Variants in TTLL9 observed in about 807,000 individuals in gnomAD.
TTLL9 encodes the protein probable tubulin polyglutamylase TTLL9.
Under a neutral mutation model 65.6 loss-of-function variants are expected in TTLL9, and 47 were observed. That is an observed-to-expected ratio of 0.72 (90% CI 0.57 to 0.91). The LOEUF (loss-of-function observed/expected upper bound fraction) is 0.91, where lower values mean the gene tolerates loss of function less well. Ranked by LOEUF, TTLL9 falls within the 40% of genes least tolerant of loss-of-function variation. TTLL9 has a pLI of 0.00. For missense variants in TTLL9, 537 were observed against 568.8 expected (o/e 0.94, Z 0.57); for synonymous variants, 179 against 204.8 (o/e 0.87, Z 1.07).
Position 31,920,815 on chromosome 20 carries a change from C to A in TTLL9, c.573+883C>A, listed in dbSNP as rs538101663. 4 of 152,760 alleles carry A rather than the reference C, an allele frequency of 2.6e-5. No individual in the cohort carries two copies. The East Asian group carries it at 7.7e-4, about 30-fold the overall frequency. The allele number at this position is 152,760 out of a possible 1,614,324, so 9.5% of individuals were successfully genotyped here. A position where few individuals can be genotyped will look rare whatever the true frequency, so the allele number is the denominator to read the frequency against. Reference sequence around the variant, plus strand: ...GAGTGGGGAACAATGGTGGGTGAAGCAGGTCTACCCTGAGAGCTAGTGCTG... The same window carrying A: ...GAGTGGGGAACAATGGTGGGTGAAGAAGGTCTACCCTGAGAGCTAGTGCTG... On this transcript the variant is annotated intron_variant, in intron 7 of 14. Transcript: ENST00000535842.
intron 9 of TTLL9, 121 bp downstream of exon 9, chr20:31,925,170 G>A: frequency 1.9e-6 from 2 of 1,058,526 alleles, no homozygotes; most frequent in South Asian, 2.8e-5. Context: ...TCTCTCCCTG[G>A]GAGATCCCCG....
At chr20:31,900,282 A>T (rs1423594413) in intron 4 of TTLL9, among the ~76,000 whole-genome samples, 1 of 152,176 alleles carries the variant, frequency 6.6e-6, no homozygotes, top group African/African-American at 2.4e-5. Flanking sequence ...CAAATCTTTC[A>T]GGTAGGTGTT....
intron 6 of TTLL9, among the ~76,000 whole-genome samples, chr20:31,918,664 G>A (rs1411585700): frequency 1.3e-5 from 2 of 152,322 alleles, no homozygotes; most frequent in Non-Finnish European, 1.5e-5. Flanking sequence ...GATTACAGAT[G>A]TGAGTCACTG....
intron 4 of TTLL9, among the ~76,000 whole-genome samples, chr20:31,901,840 G>A (rs1391943702): frequency 1.3e-5 from 2 of 152,034 alleles, no homozygotes; most frequent in African/African-American, 2.4e-5. Flanking sequence ...ATCACGTGGC[G>A]GCTCACTTCA....
At chr20:31,929,977 A>C (rs774164171) in intron 10 of TTLL9, among the ~76,000 whole-genome samples, 6 of 152,012 alleles carry the variant, frequency 3.9e-5, no homozygotes, top group Non-Finnish European at 7.4e-5. Context: ...AAAATACAAA[A>C]ATTAGCCAGG....
rs1395051937 is a variant in TTLL9, at chr20:31,943,869, C to T, written c.*848C>T. ...GTGTGAGTAAAAATCTGCCTTTTCACATCTTACATTGCTAAGCTTCCTCTT... is the reference window on the plus strand; with the variant it reads ...GTGTGAGTAAAAATCTGCCTTTTCATATCTTACATTGCTAAGCTTCCTCTT... On this transcript the variant is annotated 3_prime_UTR_variant, in exon 15 of 15. Transcript: ENST00000535842. 2.2e-6 allele frequency: 1 copy of T among 456,188 alleles called. No homozygotes were observed. Among genetic ancestry groups the T allele is most frequent in the Non-Finnish European group, 4.4e-6 (1 of 226,828 alleles). 28.3% of individuals were successfully genotyped at this position (456,188 alleles called of 1,614,324 possible).
In TTLL9 at chr20:31,923,031, T is replaced by G. The variant is rs1180917946; in HGVS notation, c.642T>G (p.Ile214Met). The change falls in exon 8 of 15, where the codon ATT becomes ATG. Residue 214 changes from isoleucine to methionine, a missense_variant. Coordinates refer to ENST00000535842, the MANE Select transcript of TTLL9 (RefSeq NM_001008409.5). ...PVENYVAQRY[I>M]ENPYLIGGRK... Reference sequence around the variant, plus strand: ...AGAACTATGTGGCTCAGCGTTACATTGAAAATCCTTACCTGATAGGAGGTG... The same window carrying G: ...AGAACTATGTGGCTCAGCGTTACATGGAAAATCCTTACCTGATAGGAGGTG... 6 of 1,613,902 alleles carry G rather than the reference T, an allele frequency of 3.7e-6. No individual in the cohort carries two copies. The highest frequency in any genetic ancestry group is 3.3e-5 in the South Asian group (3 of 91,078).
In TTLL9 at chr20:31,917,746, G is replaced by C. The variant is rs143922372; in HGVS notation, c.505-2118G>C. ...GTATCATATTGTGATTTTCATTAGTGTAAGAATTAAAGAAAGAGGAGAGAA... is the reference window on the plus strand; with the variant it reads ...GTATCATATTGTGATTTTCATTAGTCTAAGAATTAAAGAAAGAGGAGAGAA... On this transcript the variant is annotated intron_variant, in intron 6 of 14. Coordinates refer to ENST00000535842, the MANE Select transcript of TTLL9 (RefSeq NM_001008409.5). Among the ~76,000 whole-genome samples, 433 of 152,312 alleles carry C rather than the reference G, an allele frequency of 2.8e-3. 2 individuals carry two copies. Among genetic ancestry groups the C allele is most frequent in the African/African-American group, 0.01 (422 of 41,548 alleles).
intron 6 of TTLL9, among the ~76,000 whole-genome samples, chr20:31,911,253 G>A (rs2063641208): frequency 6.6e-6 from 1 of 152,096 alleles, no homozygotes; most frequent in Admixed American, 6.6e-5. Context: ...AGCCCTTTCT[G>A]GTGCCACAAC....
At chr20:31,889,038 GCACACACA>G (rs3220144) in intron 3 of TTLL9, among the ~76,000 whole-genome samples, 2 of 147,254 alleles carry the variant, frequency 1.4e-5, no homozygotes, top group Non-Finnish European at 3.0e-5. Context: ...TTTTATAAAG[GCACACACA>G]CACACACACA....
chr20:31,921,342 T>G (rs2063813155), intron 7 of TTLL9, among the ~76,000 whole-genome samples: 1 of 152,206 alleles, frequency 6.6e-6, no homozygotes, highest in African/African-American at 2.4e-5. Context: ...GGAGAGGATG[T>G]GGAGAAATAG....
At chr20:31,876,469 T>G (rs1200050641) in intron 2 of TTLL9, among the ~76,000 whole-genome samples, 1 of 152,172 alleles carries the variant, frequency 6.6e-6, no homozygotes, top group Non-Finnish European at 1.5e-5. Context: ...AAAAGGAATA[T>G]ATCCCATTTT....
chr20:31,909,956 G>GGGA, intron 6 of TTLL9, 34 bp downstream of exon 6: 1 of 658,920 alleles, frequency 1.5e-6, no homozygotes, highest in Non-Finnish European at 2.8e-6. Flanking sequence ...GGGTGGGAGG[G>GGGA]AATGAGTCCC....
intron 3 of TTLL9, among the ~76,000 whole-genome samples, chr20:31,889,312 G>C (rs1206663871): frequency 1.3e-5 from 2 of 152,162 alleles, no homozygotes; most frequent in East Asian, 3.9e-4. Context: ...GTTGGCTGGA[G>C]TGCAGTGGTG....
In TTLL9 at chr20:31,925,050, G is replaced by A; in HGVS notation, c.705+1G>A. ...GCGTGTCTATGTGCTGGTGATGTCGGTGAGTAACAAAGGTGGGGGCCCTCC... is the reference window on the plus strand; with the variant it reads ...GCGTGTCTATGTGCTGGTGATGTCGATGAGTAACAAAGGTGGGGGCCCTCC... On this transcript the variant is annotated splice_donor_variant, in intron 9 of 14. Coordinates refer to ENST00000535842, the MANE Select transcript of TTLL9 (RefSeq NM_001008409.5). LOFTEE classifies it high-confidence loss of function. 1 of 1,614,084 alleles carries A rather than the reference G, an allele frequency of 6.2e-7. No homozygotes were observed. Among genetic ancestry groups the A allele is most frequent in the Non-Finnish European group, 8.5e-7 (1 of 1,179,992 alleles).
At chr20:31,932,019 T>C (rs1272941155) in intron 10 of TTLL9, among the ~76,000 whole-genome samples, 1 of 152,244 alleles carries the variant, frequency 6.6e-6, no homozygotes, top group African/African-American at 2.4e-5. Context: ...TTTTGCCTCT[T>C]ATATTTAGGT....
At chr20:31,897,061 CCCT>C (rs1288393585) in intron 3 of TTLL9, among the ~76,000 whole-genome samples, 1 of 152,140 alleles carries the variant, frequency 6.6e-6, no homozygotes, top group African/African-American at 2.4e-5. Flanking sequence ...AGGAAATTCT[CCCT>C]CCTCTTCTAT....
At chr20:31,873,728 AAG>A (rs1410418221) in intron 2 of TTLL9, among the ~76,000 whole-genome samples, 2,680 of 130,226 alleles carry the variant, frequency 0.021, 28 homozygotes, top group Non-Finnish European at 0.031. Context: ...GAAAGAAAGA[AAG>A]AAAGAAAAAG....
At chr20:31,919,201 C>T (rs1434708919) in intron 6 of TTLL9, among the ~76,000 whole-genome samples, 1 of 152,208 alleles carries the variant, frequency 6.6e-6, no homozygotes, top group East Asian at 1.9e-4. Context: ...AGGCTGTGAA[C>T]GTTCCATTGC....
Sources: allele counts gnomAD v4.1 joint callset (sites outside exome capture counted in the v4.1 genomes callset), GRCh38; gene constraint gnomAD v4.1.1; transcripts MANE v1.5; gene names NCBI Gene and HGNC (gene_info 2026-07-23, HGNC 2026-07-21).